The following FEZ1 variants were observed in gnomAD, a reference collection of about 807,000 sequenced individuals.
The protein encoded by FEZ1 is fasciculation and elongation protein zeta 1.
FEZ1 carries 20 observed loss-of-function variants against 49.3 expected under a neutral mutation model. The ratio of observed to expected loss-of-function variants is 0.41; its 90% CI spans 0.29 to 0.59. The LOEUF (loss-of-function observed/expected upper bound fraction) is 0.59, where lower values mean the gene tolerates loss of function less well. Among genes scored for constraint, FEZ1 ranks in the 20% least tolerant of loss-of-function variants. The probability of loss-of-function intolerance (pLI) is 0.36; values close to 1 mark genes in which losing one functional copy is unlikely to be tolerated. For synonymous variants in FEZ1, 170 were observed against 180.9 expected, an observed-to-expected ratio of 0.94 and a Z score of 0.48; for missense variants, 413 against 476.0, an observed-to-expected ratio of 0.87 and a Z score of 1.23.
At chr11:125,466,773 G>A (rs963614269) in intron 3 of FEZ1, among the ~76,000 whole-genome samples, 4 of 152,160 alleles carry the variant, frequency 2.6e-5, no homozygotes, top group African/African-American at 9.7e-5. Flanking sequence ...TATTCTGAAT[G>A]ATGATTAAAA....
intron 1 of FEZ1, among the ~76,000 whole-genome samples, chr11:125,493,795 T>C (rs1333656025): frequency 6.6e-6 from 1 of 152,248 alleles, no homozygotes; most frequent in African/African-American, 2.4e-5. Context: ...TTTAAATTTG[T>C]ACTTTTCTCT....
At chr11:125,447,259 G>GA (rs1404843404) in intron 9 of FEZ1, among the ~76,000 whole-genome samples, 7 of 152,100 alleles carry the variant, frequency 4.6e-5, no homozygotes, top group African/African-American at 1.7e-4. Flanking sequence ...GAAGACAGGA[G>GA]AACATATTAA....
rs534838529 is a variant in FEZ1, at chr11:125,492,310, A to G, written c.-45-2488T>C. ...GTCAGGGGTTCTTCATCTTCAGTACATAGACCCCTGCAGGCTCTTTGAAGG... is the reference window on the plus strand; with the variant it reads ...GTCAGGGGTTCTTCATCTTCAGTACGTAGACCCCTGCAGGCTCTTTGAAGG... On this transcript the variant is annotated intron_variant, in intron 1 of 9. Coordinates refer to ENST00000278919, the MANE Select transcript of FEZ1 (RefSeq NM_005103.5). Among the ~76,000 whole-genome samples the G allele has an allele frequency of 2.0e-5, 3 of 152,354 alleles. No homozygotes were observed. The South Asian group carries it at 6.2e-4, about 32-fold the overall frequency.
At chr11:125,466,256 G>A (rs1957128894) in intron 3 of FEZ1, among the ~76,000 whole-genome samples, 1 of 151,998 alleles carries the variant, frequency 6.6e-6, no homozygotes, top group African/African-American at 2.4e-5. Flanking sequence ...CGAGATGAGA[G>A]GATTGCTTGA....
chr11:125,480,503 G>A (rs1396822128), intron 3 of FEZ1, among the ~76,000 whole-genome samples: 1 of 152,158 alleles, frequency 6.6e-6, no homozygotes, highest in African/African-American at 2.4e-5. Context: ...CTGTTTTTGT[G>A]GGCCTGAACT....
intron 2 of FEZ1, among the ~76,000 whole-genome samples, chr11:125,487,831 G>A (rs1037093304): frequency 4.6e-5 from 7 of 152,198 alleles, no homozygotes; most frequent in African/African-American, 1.7e-4. Flanking sequence ...GGCTGTAAGA[G>A]TGAATCAGAC....
intron 3 of FEZ1, among the ~76,000 whole-genome samples, chr11:125,471,431 TACACACACACACAC>T (rs34965918): frequency 6.8e-6 from 1 of 147,880 alleles, no homozygotes; most frequent in African/African-American, 2.5e-5. Flanking sequence ...TTGAGATAGA[TACACACACACACAC>T]ACACACACAC....
chr11:125,477,964 C>T (rs1957246816), intron 3 of FEZ1, among the ~76,000 whole-genome samples: 1 of 152,086 alleles, frequency 6.6e-6, no homozygotes, highest in African/African-American at 2.4e-5. Flanking sequence ...TTGTCTTGCA[C>T]TTACAGTGCA....
intron 3 of FEZ1, among the ~76,000 whole-genome samples, chr11:125,474,032 T>C (rs1411650843): frequency 2.1e-5 from 3 of 145,038 alleles, no homozygotes; most frequent in African/African-American, 7.6e-5. Context: ...TTTCCTTTTC[T>C]TTTTTTTTTT....
At chr11:125,462,738 C>G (rs1393103030) in intron 4 of FEZ1, among the ~76,000 whole-genome samples, 1 of 152,212 alleles carries the variant, frequency 6.6e-6, no homozygotes, top group Non-Finnish European at 1.5e-5. Flanking sequence ...GTGGCTCATG[C>G]CTGTAATCCC....
At chr11:125,492,871 G>A (rs1263100034) in intron 1 of FEZ1, among the ~76,000 whole-genome samples, 3 of 151,850 alleles carry the variant, frequency 2.0e-5, no homozygotes, top group African/African-American at 7.3e-5. Context: ...GAGAGGCTGA[G>A]GCAGGAGGAT....
chr11:125,491,785 A>T (rs913189431), intron 1 of FEZ1, among the ~76,000 whole-genome samples: 1 of 152,214 alleles, frequency 6.6e-6, no homozygotes, highest in African/African-American at 2.4e-5. Flanking sequence ...CCGTTGCTTT[A>T]AAACATATTT....
chr11:125,484,561 G>A lies in FEZ1; in HGVS notation c.312-2928C>T, dbSNP rs149649754. Among the ~76,000 whole-genome samples the A allele has an allele frequency of 4.5e-4, 68 of 152,018 alleles. 1 individual carries two copies. In the East Asian group the frequency reaches 0.01, roughly 23 times the overall value. ...CCCACACCTGTAATCTCAGCTACTT[G>A]GGAGGCTGAGGCAGGAGAATCACTT... On this transcript the variant is annotated intron_variant, in intron 2 of 9. Transcript: ENST00000278919.
chr11:125,459,357 C>G (rs536863280), intron 5 of FEZ1, among the ~76,000 whole-genome samples: 3 of 151,584 alleles, frequency 2.0e-5, no homozygotes, highest in African/African-American at 7.3e-5. Context: ...TTTGGGAGAC[C>G]GAGGCAGGCG....
At chr11:125,457,445 TATATATGTATATATACAC>T (rs1483548300) in intron 5 of FEZ1, among the ~76,000 whole-genome samples, 11 of 91,546 alleles carry the variant, frequency 1.2e-4, no homozygotes, top group East Asian at 3.3e-4. Context: ...TATATATATA[TATATATGTATATATACAC>T]ATATATATGT....
intron 8 of FEZ1, 108 bp downstream of exon 8, chr11:125,452,226 T>C (rs1956964162): frequency 1.3e-6 from 1 of 774,550 alleles, no homozygotes; most frequent in East Asian, 2.4e-5. Flanking sequence ...TTTTGGCCCA[T>C]GTAAACCTGC....
At position 125,489,243 on chromosome 11, in the gene FEZ1, ACCTT is replaced by A. The variant is rs534918643; in HGVS notation, c.311+220_311+223del. 1.1e-4 allele frequency: 129 copies of A among 1,191,508 alleles called. 2 individuals carry two copies. The South Asian group carries it at 4.9e-3, about 45-fold the overall frequency. The allele number at this position is 1,191,508 out of a possible 1,614,324, so 73.8% of individuals were successfully genotyped here. A position where few individuals can be genotyped will look rare whatever the true frequency, so the allele number is the denominator to read the frequency against. On this transcript the variant is annotated intron_variant, in intron 2 of 9. Coordinates refer to ENST00000278919, the MANE Select transcript of FEZ1 (RefSeq NM_005103.5). The surrounding 1 kb of genome is among the most constrained non-coding windows in gnomAD (Gnocchi z 4.2). ...GAAATTCCATTTTGTATCTAGGAAA[ACCTT>A]CATTCCTCTAAGGTTTCAATTTAAG...
At chr11:125,474,191 A>ATTTT (rs34135138) in intron 3 of FEZ1, among the ~76,000 whole-genome samples, 8 of 128,448 alleles carry the variant, frequency 6.2e-5, no homozygotes, top group African/African-American at 2.1e-4. Context: ...TGCCAGGCTA[A>ATTTT]TTTTTTTTTT....
At chr11:125,464,681 A>T (rs1390411691) in intron 3 of FEZ1, among the ~76,000 whole-genome samples, 1 of 152,052 alleles carries the variant, frequency 6.6e-6, no homozygotes, top group Non-Finnish European at 1.5e-5. Context: ...AGAGCACATC[A>T]CCTTTTATCT....
Sources: gnomAD v4.1 joint callset for allele counts (sites outside exome capture counted in the v4.1 genomes callset) on GRCh38, gnomAD v4.1.1 for gene constraint, Gnocchi (gnomAD v3.1) non-coding constraint, MANE v1.5 for transcripts, NCBI Gene and HGNC (gene_info 2026-07-23, HGNC 2026-07-21) for gene names.